Variants in SYBU observed in about 807,000 individuals in gnomAD.
SYBU encodes GOLSYN A protein.
SYBU carries 21 observed loss-of-function variants against 35.9 expected under a neutral mutation model. That is an observed-to-expected ratio of 0.58 (90% CI 0.41 to 0.84). SYBU has a LOEUF of 0.84. Among genes scored for constraint, SYBU ranks in the 40% least tolerant of loss-of-function variants. The pLI, the probability that SYBU is intolerant of heterozygous loss-of-function variation, is 0.00. For missense variants in SYBU, 768 were observed against 848.2 expected (o/e 0.91, Z 1.17); for synonymous variants, 319 against 324.3 (o/e 0.98, Z 0.18).
upstream of SYBU, chr8:109,647,189 C>T (rs1815787588): frequency 6.6e-6 from 1 of 152,164 alleles, no homozygotes; most frequent in African/African-American, 2.4e-5. Context: ...TCATTTCTTG[C>T]CACTCCTCTC....
At position 109,661,282 on chromosome 8, in the gene SYBU, G is replaced by T. The variant is rs898740048; in HGVS notation, c.-129+19429C>A. ...GAGAAGCTCCCTATCAGGGTGAGGA[G>T]CAGCTAAAGAAACTATTGGACATGT... On this transcript the variant is annotated intron_variant, in intron 1 of 5. Coordinates refer to the SYBU transcript ENST00000408889. Among the ~76,000 whole-genome samples, 5 of 152,192 alleles carry T rather than the reference G, an allele frequency of 3.3e-5. No individual in the cohort carries two copies. In the South Asian group the frequency reaches 8.3e-4, roughly 25 times the overall value.
chr8:109,610,251 C>A (rs1200242093), intron 3 of SYBU, among the ~76,000 whole-genome samples: 1 of 152,200 alleles, frequency 6.6e-6, no homozygotes, highest in African/African-American at 2.4e-5. Flanking sequence ...CATCAGCCAT[C>A]TCCCCCACGT....
At chr8:109,661,659 C>A (rs1186264117) in intron 1 of SYBU, among the ~76,000 whole-genome samples, 1 of 152,110 alleles carries the variant, frequency 6.6e-6, no homozygotes, top group Non-Finnish European at 1.5e-5. Flanking sequence ...TGCCTCTTTA[C>A]CCAGTATGAA....
At chr8:109,655,748 A>C (rs1395440259) in intron 1 of SYBU, among the ~76,000 whole-genome samples, 1 of 152,208 alleles carries the variant, frequency 6.6e-6, no homozygotes, top group Non-Finnish European at 1.5e-5. Flanking sequence ...TATATTTTTC[A>C]CATATTCATA....
rs527770620 is a variant in SYBU at position 109,661,755 on chromosome 8, GTTA to G, written c.-129+18953_-129+18955del. Among the ~76,000 whole-genome samples the G allele has an allele frequency of 4.7e-4, 71 of 152,278 alleles. No individual in the cohort carries two copies. The South Asian group carries it at 0.015, about 31-fold the overall frequency. On this transcript the variant is annotated intron_variant, in intron 1 of 5. Transcript: ENST00000408889. ...TTAAGGGTGTGCACTCAACAGTTCT[GTTA>G]TTATAGAGATGTGTGATCAAAGAAG...
At position 109,575,881 on chromosome 8, in the gene SYBU, C is replaced by CTGTT; in HGVS notation, c.1013_1016dup (p.Val340ThrfsTer12). The CTGTT allele has an allele frequency of 6.2e-7, 1 of 1,613,926 alleles. No individual in the cohort carries two copies. Among genetic ancestry groups the CTGTT allele is most frequent in the Non-Finnish European group, 8.5e-7 (1 of 1,179,980 alleles). ...AGCTGCTCCGCATGGTTTCGATGACCTGTTTGAGCTGTTTAATCTCTTTCC... is the reference window on the plus strand; with the variant it reads ...AGCTGCTCCGCATGGTTTCGATGACCTGTTTGTTTGAGCTGTTTAATCTCTTTCC... On this transcript the variant is annotated frameshift_variant, in exon 7 of 7. Transcript: ENST00000276646. LOFTEE classifies it low-confidence loss of function (END_TRUNC).
intron 3 of SYBU, among the ~76,000 whole-genome samples, chr8:109,617,411 G>A (rs956477526): frequency 3.3e-5 from 5 of 152,190 alleles, no homozygotes; most frequent in Non-Finnish European, 7.3e-5. Flanking sequence ...GGTGATGTTT[G>A]CACAACAGTT....
At chr8:109,642,442 A>G (rs1161666942) in intron 2 of SYBU, among the ~76,000 whole-genome samples, 2 of 152,228 alleles carry the variant, frequency 1.3e-5, no homozygotes, top group Non-Finnish European at 2.9e-5. Flanking sequence ...ATTAAAGTAT[A>G]ATAAAACAAA....
chr8:109,677,246 T>C (rs1331271016), intron 1 of SYBU, among the ~76,000 whole-genome samples: 2 of 152,188 alleles, frequency 1.3e-5, no homozygotes, highest in African/African-American at 4.8e-5. Flanking sequence ...AGTTAACCCC[T>C]GGTACCTTTT....
intron 1 of SYBU, among the ~76,000 whole-genome samples, chr8:109,656,324 C>A (rs1267670367): frequency 6.6e-6 from 1 of 152,146 alleles, no homozygotes; most frequent in South Asian, 2.1e-4. Flanking sequence ...TAGTGAACAC[C>A]TGGAATTTTT....
intron 2 of SYBU, among the ~76,000 whole-genome samples, chr8:109,627,115 G>T (rs983775711): frequency 6.6e-6 from 1 of 151,852 alleles, no homozygotes; most frequent in Non-Finnish European, 1.5e-5. Context: ...TTCAGTTATG[G>T]TTTGATTCTG....
rs746670378 is a variant in SYBU, at chr8:109,575,348, C to T, written c.1550G>A (p.Ser517Asn). 6.2e-7 allele frequency: 1 copy of T among 1,614,178 alleles called. No homozygotes were observed. Among genetic ancestry groups the T allele is most frequent in the Non-Finnish European group, 8.5e-7 (1 of 1,180,036 alleles). The change falls in exon 7 of 7, where the codon AGC (serine) becomes AAC (asparagine). Residue 517 changes from serine to asparagine, a missense_variant. Physicochemically the swap from Ser to Asn is conservative, Grantham distance 46. Transcript: ENST00000276646. Reference sequence around the variant, plus strand: ...TTCAGACTCATCAGGGGACGCCAAGCTCGAGGGACAGGGGTCCTGGAGCTT... The same window carrying T: ...TTCAGACTCATCAGGGGACGCCAAGTTCGAGGGACAGGGGTCCTGGAGCTT... ...LQKLQDPCPS[S>N]LASPDESEPD...
intron 3 of SYBU, among the ~76,000 whole-genome samples, chr8:109,596,169 A>G (rs2129945498): frequency 6.6e-6 from 1 of 152,252 alleles, no homozygotes; most frequent in Admixed American, 6.5e-5. Context: ...GCATGGAACT[A>G]TTTTTCTATA....
At chr8:109,604,785 A>T (rs1825895995) in intron 3 of SYBU, among the ~76,000 whole-genome samples, 1 of 152,142 alleles carries the variant, frequency 6.6e-6, no homozygotes, top group Admixed American at 6.5e-5. Flanking sequence ...TCTTCCTCTA[A>T]CGATGAGGGA....
chr8:109,612,879 C>T (rs1811332463), intron 3 of SYBU, among the ~76,000 whole-genome samples: 1 of 150,918 alleles, frequency 6.6e-6, no homozygotes, highest in South Asian at 2.1e-4. Context: ...ACTTGGGAGG[C>T]TGAGAAGGGA....
chr8:109,645,229 A>G (rs1204664960), upstream of SYBU: 5 of 456,576 alleles, frequency 1.1e-5, no homozygotes, highest in African/African-American at 2.0e-5. Context: ...CCAGGTCTTA[A>G]GTCAGCCTAC....
At chr8:109,640,841 A>G (rs1451244292) in intron 2 of SYBU, among the ~76,000 whole-genome samples, 4 of 147,690 alleles carry the variant, frequency 2.7e-5, no homozygotes, top group African/African-American at 7.5e-5. Context: ...AAAAAAAAGT[A>G]GGCAGTGCAG....
chr8:109,633,328 T>C (rs1813846602), intron 2 of SYBU, among the ~76,000 whole-genome samples: 1 of 152,076 alleles, frequency 6.6e-6, no homozygotes, highest in Admixed American at 6.5e-5. Flanking sequence ...AGCCAGCTGG[T>C]AAAGAGGCAG....
intron 1 of SYBU, among the ~76,000 whole-genome samples, chr8:109,654,442 C>T (rs1400732065): frequency 6.6e-6 from 1 of 152,158 alleles, no homozygotes; most frequent in Admixed American, 6.6e-5. Flanking sequence ...TGGAACATTG[C>T]CCTCCTGATC....
Sources: gnomAD v4.1 joint callset for allele counts (sites outside exome capture counted in the v4.1 genomes callset) on GRCh38, gnomAD v4.1.1 for gene constraint, MANE v1.5 for transcripts, NCBI Gene and HGNC (gene_info 2026-07-23, HGNC 2026-07-21) for gene names.